MACROD1: variants seen among roughly 807,000 people sequenced by gnomAD.
MACROD1 encodes the protein ADP-ribose glycohydrolase MACROD1.
Under a neutral mutation model 41.4 loss-of-function variants are expected in MACROD1, and 31 were observed. The ratio of observed to expected loss-of-function variants is 0.75; its 90% CI spans 0.56 to 1.01. MACROD1 has a LOEUF of 1.01. Ranked by LOEUF, MACROD1 falls within the 50% of genes least tolerant of loss-of-function variation. The pLI is 0.00. For missense variants in MACROD1, 473 were observed against 460.0 expected (o/e 1.03, Z -0.26); for synonymous variants, 252 against 203.4 (o/e 1.24, Z -2.03).
At chr11:64,105,437 G>A (rs1023943573) in intron 3 of MACROD1, among the ~76,000 whole-genome samples, 24 of 152,326 alleles carry the variant, frequency 1.6e-4, no homozygotes, top group Admixed American at 1.4e-3. Flanking sequence ...TGGCCCTCTG[G>A]TTGTGAGCAT....
chr11:64,001,822 G>A (rs755458151), intron 4 of MACROD1: 6 of 691,650 alleles, frequency 8.7e-6, no homozygotes, highest in African/African-American at 1.8e-5. Context: ...TGAGTGTTCC[G>A]AATGGGGTGC....
chr11:64,007,202 C>G (rs369121400), intron 4 of MACROD1, among the ~76,000 whole-genome samples: 1 of 152,144 alleles, frequency 6.6e-6, no homozygotes, highest in Non-Finnish European at 1.5e-5. Flanking sequence ...GGCTCGGGGG[C>G]GACGTGCCAC....
intron 3 of MACROD1, among the ~76,000 whole-genome samples, chr11:64,134,225 C>T (rs906217611): frequency 3.3e-5 from 5 of 152,288 alleles, no homozygotes; most frequent in Non-Finnish European, 2.9e-5. Context: ...CAGCCAGGGC[C>T]GCCCAGCTCT....
intron 3 of MACROD1, among the ~76,000 whole-genome samples, chr11:64,128,213 A>G (rs1428237577): frequency 6.6e-6 from 1 of 152,146 alleles, no homozygotes; most frequent in Non-Finnish European, 1.5e-5. Context: ...GAAAGGACCC[A>G]GGCTGTTCTT....
intron 3 of MACROD1, among the ~76,000 whole-genome samples, chr11:64,104,849 G>A (rs1944731177): frequency 6.6e-6 from 1 of 152,186 alleles, no homozygotes; most frequent in Non-Finnish European, 1.5e-5. Context: ...CCCTGCCGCT[G>A]AGGAGGGGCT....
At chr11:64,069,259 C>T (rs745483901) in intron 3 of MACROD1, among the ~76,000 whole-genome samples, 130 of 152,306 alleles carry the variant, frequency 8.5e-4, no homozygotes, top group Non-Finnish European at 1.7e-3. Context: ...TACCTGACAC[C>T]GGAGACAGCT....
chr11:64,133,794 T>C (rs1334960238), intron 3 of MACROD1, among the ~76,000 whole-genome samples: 1 of 152,192 alleles, frequency 6.6e-6, no homozygotes, highest in African/African-American at 2.4e-5. Flanking sequence ...ATCTCCCTTG[T>C]TCCCCCTTGC....
chr11:64,005,440 G>T (rs1315033401), intron 4 of MACROD1, among the ~76,000 whole-genome samples: 1 of 152,232 alleles, frequency 6.6e-6, no homozygotes, highest in Non-Finnish European at 1.5e-5. Flanking sequence ...GGCAGCTCTT[G>T]CCCCTGGCCC....
At chr11:64,161,480 C>T (rs545314748) in intron 1 of MACROD1, among the ~76,000 whole-genome samples, 1 of 152,356 alleles carries the variant, frequency 6.6e-6, no homozygotes, top group African/African-American at 2.4e-5. Context: ...AAGATCTCTA[C>T]ACTTGCAGCA....
At chr11:64,048,607 C>G (rs558565337) in intron 3 of MACROD1, among the ~76,000 whole-genome samples, 1 of 152,182 alleles carries the variant, frequency 6.6e-6, no homozygotes, top group Non-Finnish European at 1.5e-5. Flanking sequence ...GCAGCCCCAG[C>G]GGAATTCTTA....
At chr11:64,046,975 G>A (rs1237983138) in intron 3 of MACROD1, among the ~76,000 whole-genome samples, 1 of 152,154 alleles carries the variant, frequency 6.6e-6, no homozygotes, top group Non-Finnish European at 1.5e-5. Context: ...GAAGTCCAGC[G>A]CCCTCAGCCT....
intron 4 of MACROD1, 24 bp from the exon 5 acceptor site, chr11:64,000,367 G>A (rs1289339347): frequency 1.3e-6 from 2 of 1,491,438 alleles, no homozygotes; most frequent in Admixed American, 2.0e-5. Flanking sequence ...GGGCGCGACT[G>A]AGCTGGCCTG....
At chr11:64,041,199 T>TAAAAAAAAAAAAAAAAAAAAAAA (rs71045724) in intron 3 of MACROD1, among the ~76,000 whole-genome samples, 1 of 21,600 alleles carries the variant, frequency 4.6e-5, no homozygotes. Flanking sequence ...TAGCAAACTG[T>TAAAAAAAAAAAAAAAAAAAAAAA]AAAAAAAAAA....
chr11:64,130,765 A>C, intron 3 of MACROD1, among the ~76,000 whole-genome samples: 1 of 151,742 alleles, frequency 6.6e-6, no homozygotes, highest in Non-Finnish European at 1.5e-5. Flanking sequence ...CCCACCCGCC[A>C]CCCTGTCCAG....
chr11:64,089,488 C>T (rs182719272), intron 3 of MACROD1, among the ~76,000 whole-genome samples: 1 of 152,224 alleles, frequency 6.6e-6, no homozygotes, highest in East Asian at 1.9e-4. Flanking sequence ...GTCCAGCCCC[C>T]TCCCCTGACT....
intron 3 of MACROD1, among the ~76,000 whole-genome samples, chr11:64,088,593 C>T (rs1397777440): frequency 6.9e-6 from 1 of 145,822 alleles, no homozygotes; most frequent in Non-Finnish European, 1.5e-5. Flanking sequence ...CAGGTCTCTC[C>T]TCCTCCTCCC....
At chr11:64,128,895 G>A (rs2254599) in intron 3 of MACROD1, among the ~76,000 whole-genome samples, 145,727 of 152,240 alleles carry the variant, frequency 0.96, 70,062 homozygotes, top group Middle Eastern at 1. Flanking sequence ...AGAGTGAGTC[G>A]ATAAACAGTA....
chr11:64,001,978 T>C (rs908218477), intron 4 of MACROD1, among the ~76,000 whole-genome samples: 2 of 152,136 alleles, frequency 1.3e-5, no homozygotes, highest in Non-Finnish European at 2.9e-5. Flanking sequence ...ACCTCAGAGC[T>C]CATTGGGCTG....
At chr11:64,059,318 A>AT (rs542259822) in intron 3 of MACROD1, among the ~76,000 whole-genome samples, 332 of 152,274 alleles carry the variant, frequency 2.2e-3, no homozygotes, top group African/African-American at 7.3e-3. Context: ...CTGAAGGTGG[A>AT]TGCGTGTAGC....
Sources: allele counts gnomAD v4.1 joint callset (sites outside exome capture counted in the v4.1 genomes callset), GRCh38; gene constraint gnomAD v4.1.1; transcripts MANE v1.5; gene names NCBI Gene and HGNC (gene_info 2026-07-23, HGNC 2026-07-21).